STIMATE: variants seen among roughly 807,000 people sequenced by gnomAD.
STIMATE encodes store-operated calcium entry regulator STIMATE.
A neutral mutation model predicts 36.7 loss-of-function variants in STIMATE; 15 were observed. That is an observed-to-expected ratio of 0.41 (90% confidence interval 0.27 to 0.63). STIMATE has a LOEUF of 0.63. Among genes scored for constraint, STIMATE ranks in the 20% least tolerant of loss-of-function variants. The pLI, the probability that STIMATE is intolerant of heterozygous loss-of-function variation, is 0.32. For missense variants in STIMATE, 305 were observed against 397.3 expected, an observed-to-expected ratio of 0.77 and a Z score of 1.98; for synonymous variants, 163 against 162.3, an observed-to-expected ratio of 1.00 and a Z score of -0.03.
chr3:52,847,559 C>G, intron 4 of STIMATE: 2 of 1,289,554 alleles, frequency 1.6e-6, no homozygotes, highest in Non-Finnish European at 2.0e-6. Flanking sequence ...CTTCTAGGAA[C>G]AAAAGACACA....
At chr3:52,842,636 G>C (rs1700817097) in intron 7 of STIMATE, among the ~76,000 whole-genome samples, 175 bp downstream of exon 7, 1 of 152,234 alleles carries the variant, frequency 6.6e-6, no homozygotes, top group South Asian at 2.1e-4. Context: ...AATGGGTCCT[G>C]GCTGGACAGA....
rs768068582 is a variant in STIMATE at position 52,840,484 on chromosome 3, T to G, written c.*10A>C. On this transcript the variant is annotated 3_prime_UTR_variant, in exon 8 of 8. Coordinates refer to ENST00000355083, the MANE Select transcript of STIMATE (RefSeq NM_198563.5). Reference sequence around the variant, plus strand: ...CGGGGCCCTCCCGTCACCCCCAGCATGGGAATGTGTCATACGGGTAGCCCA... The same window carrying G: ...CGGGGCCCTCCCGTCACCCCCAGCAGGGGAATGTGTCATACGGGTAGCCCA... 6.2e-7 allele frequency: 1 copy of G among 1,612,568 alleles called. No homozygotes were observed. The highest frequency in any genetic ancestry group is 1.1e-5 in the South Asian group (1 of 91,022).
At chr3:52,886,455 T>C (rs1034251709) in intron 1 of STIMATE, among the ~76,000 whole-genome samples, 2 of 152,220 alleles carry the variant, frequency 1.3e-5, no homozygotes, top group East Asian at 1.9e-4. Context: ...TAAGATGATA[T>C]GAGTACTCAT....
chr3:52,858,510 G>A (rs1267788472), intron 1 of STIMATE, among the ~76,000 whole-genome samples: 2 of 152,096 alleles, frequency 1.3e-5, no homozygotes, highest in African/African-American at 4.8e-5. Context: ...TGTGGTCCTA[G>A]CTACTCGGGG....
chr3:52,845,022 G>A (rs1225921405), intron 4 of STIMATE, 81 bp from the exon 5 acceptor site: 7 of 1,445,612 alleles, frequency 4.8e-6, no homozygotes, highest in Admixed American at 3.8e-5. Flanking sequence ...TCCCCCACAC[G>A]CACCCCAGAA....
At chr3:52,894,502 T>G (rs999662333) in intron 1 of STIMATE, among the ~76,000 whole-genome samples, 6 of 152,082 alleles carry the variant, frequency 3.9e-5, no homozygotes, top group African/African-American at 1.2e-4. Context: ...CCCAGAGACA[T>G]TAATATATAT....
chr3:52,856,880 G>A (rs569306263), intron 1 of STIMATE, among the ~76,000 whole-genome samples: 83 of 152,330 alleles, frequency 5.4e-4, no homozygotes, highest in African/African-American at 1.4e-3. Context: ...ATCCTCCACT[G>A]AGGTGCTAGG....
Position 52,873,397 on chromosome 3 carries a change from T to C in STIMATE, c.161-17953A>G, listed in dbSNP as rs80020551. ...GATTTTTGCCCAGATTAGCAAAGGT[T>C]AAAACATTTGGTGAGGATATTAGGA... On this transcript the variant is annotated intron_variant, in intron 1 of 7. Coordinates refer to ENST00000355083, the MANE Select transcript of STIMATE (RefSeq NM_198563.5). Among the ~76,000 whole-genome samples the C allele has an allele frequency of 5.6e-3, 855 of 152,346 alleles. 9 individuals carry two copies. The highest frequency in any genetic ancestry group is 0.02 in the African/African-American group (818 of 41,588).
rs780483451 is a variant in STIMATE at position 52,895,919 on chromosome 3, C to T, written c.160+1372G>A. 1.0e-4 allele frequency: 132 copies of T among 1,289,826 alleles called. 1 individual carries two copies. In the South Asian group the frequency reaches 1.6e-3, roughly 15 times the overall value. 79.9% of individuals were successfully genotyped at this position (1,289,826 alleles called of 1,614,324 possible). ...ACACGTACAGTACATGCGCCCAAGT[C>T]AGCAGCGGATTTTGGCTAAGTTGTC... On this transcript the variant is annotated intron_variant, in intron 1 of 7. Transcript: ENST00000355083.
intron 1 of STIMATE, among the ~76,000 whole-genome samples, chr3:52,885,298 C>T (rs1430288974): frequency 6.6e-6 from 1 of 151,948 alleles, no homozygotes; most frequent in Non-Finnish European, 1.5e-5. Context: ...TTTACATATT[C>T]TGGTTATAAA....
chr3:52,875,476 C>T (rs1175754339), intron 1 of STIMATE, among the ~76,000 whole-genome samples: 1 of 152,088 alleles, frequency 6.6e-6, no homozygotes, highest in Non-Finnish European at 1.5e-5. Flanking sequence ...CACAGTGGCC[C>T]CATCACACAG....
intron 1 of STIMATE, among the ~76,000 whole-genome samples, chr3:52,893,227 A>G (rs976503129): frequency 1.3e-5 from 2 of 152,160 alleles, no homozygotes; most frequent in African/African-American, 2.4e-5. Context: ...ATGAGATGAT[A>G]TCATGGAGTT....
intron 1 of STIMATE, among the ~76,000 whole-genome samples, chr3:52,859,156 C>G (rs1480351550): frequency 7.1e-6 from 1 of 139,930 alleles, no homozygotes; most frequent in African/African-American, 2.6e-5. Context: ...GAGCGAGACT[C>G]CATCTCAAAA....
chr3:52,856,683 CA>C (rs750601289), intron 1 of STIMATE, among the ~76,000 whole-genome samples: 14 of 150,272 alleles, frequency 9.3e-5, no homozygotes, highest in African/African-American at 3.4e-4. Flanking sequence ...GACTCTACCT[CA>C]AAAAAAAGAA....
intron 1 of STIMATE, among the ~76,000 whole-genome samples, chr3:52,858,728 T>C (rs1701149816): frequency 6.6e-6 from 1 of 152,230 alleles, no homozygotes; most frequent in Non-Finnish European, 1.5e-5. Flanking sequence ...GCTATACAAG[T>C]ATTATTGCAG....
At position 52,839,806 on chromosome 3, in the gene STIMATE, T is replaced by G. The variant is rs1446917467; in HGVS notation, c.*688A>C. ...CCCCATGAAAGGCAAATAAACCCATTTCTTTGGGGACTAAAAAGAGTTTTT... is the reference window on the plus strand; with the variant it reads ...CCCCATGAAAGGCAAATAAACCCATGTCTTTGGGGACTAAAAAGAGTTTTT... On this transcript the variant is annotated 3_prime_UTR_variant, in exon 8 of 8. Transcript: ENST00000355083. 6.6e-6 allele frequency: 1 copy of G among 152,546 alleles called. No individual in the cohort carries two copies. Among genetic ancestry groups the G allele is most frequent in the African/African-American group, 2.4e-5 (1 of 41,456 alleles). 9.4% of individuals were successfully genotyped at this position (152,546 alleles called of 1,614,324 possible). A position where few individuals can be genotyped will look rare whatever the true frequency, so the allele number is the denominator to read the frequency against.
At chr3:52,895,381 G>C (rs1191120315) in intron 1 of STIMATE, among the ~76,000 whole-genome samples, 1 of 152,104 alleles carries the variant, frequency 6.6e-6, no homozygotes, top group Non-Finnish European at 1.5e-5. Flanking sequence ...CTGTGTCAGG[G>C]CAGACATAGC....
At chr3:52,866,244 T>G (rs768445670) in intron 1 of STIMATE, among the ~76,000 whole-genome samples, 1 of 152,246 alleles carries the variant, frequency 6.6e-6, no homozygotes, top group Non-Finnish European at 1.5e-5. Context: ...CTTGCCAGCA[T>G]GGTGTACTAG....
At chr3:52,865,839 A>G (rs748950335) in intron 1 of STIMATE, among the ~76,000 whole-genome samples, 5 of 152,110 alleles carry the variant, frequency 3.3e-5, no homozygotes, top group Non-Finnish European at 7.4e-5. Flanking sequence ...GACCTTACAT[A>G]TCCTTTCAAA....
Sources: gnomAD v4.1 joint callset for allele counts (sites outside exome capture counted in the v4.1 genomes callset) on GRCh38, gnomAD v4.1.1 for gene constraint, MANE v1.5 for transcripts, NCBI Gene and HGNC (gene_info 2026-07-23, HGNC 2026-07-21) for gene names.